The following EFHB variants were observed in gnomAD, a reference collection of about 807,000 sequenced individuals.
EFHB encodes the protein EF-hand domain-containing family member B.
Under a neutral mutation model 87.2 loss-of-function variants are expected in EFHB, and 91 were observed. The observed-to-expected ratio is 1.04, with a 90% CI of 0.88 to 1.24. The LOEUF (loss-of-function observed/expected upper bound fraction) is 1.24. Ranked by LOEUF, EFHB falls within the 50% of genes most tolerant of loss-of-function variation. The pLI is 0.00. For missense variants in EFHB, 1,084 were observed against 998.8 expected, an observed-to-expected ratio of 1.09 and a Z score of -1.15; for synonymous variants, 325 against 333.6, an observed-to-expected ratio of 0.97 and a Z score of 0.28.
intron 6 of EFHB, among the ~76,000 whole-genome samples, chr3:19,900,076 A>C (rs1694619932): frequency 6.6e-6 from 1 of 152,090 alleles, no homozygotes; most frequent in African/African-American, 2.4e-5. Context: ...CTGTCTCAAA[A>C]AAATAAAATA....
rs544750714 is a variant in EFHB at position 19,890,112 on chromosome 3, G to A, written c.1726-1461C>T. On this transcript the variant is annotated intron_variant, in intron 9 of 12. Coordinates refer to ENST00000295824, the MANE Select transcript of EFHB (RefSeq NM_144715.4). ...CAAAACTGAAACAGATGCTGTCAAC[G>A]ATAAATTACCGCCTAATATGCAGGG... Among the ~76,000 whole-genome samples, 57 of 152,274 alleles carry A rather than the reference G, an allele frequency of 3.7e-4. 1 individual carries two copies. Among genetic ancestry groups the A allele is most frequent in the African/African-American group, 1.7e-4 (7 of 41,546 alleles).
At chr3:19,918,170 A>C in intron 4 of EFHB, 62 bp downstream of exon 4, 1 of 1,398,038 alleles carries the variant, frequency 7.2e-7, no homozygotes, top group Non-Finnish European at 9.6e-7. Flanking sequence ...ATATTTAATC[A>C]AATTTTCCAA....
chr3:19,926,156 A>G (rs1162800247), intron 1 of EFHB, among the ~76,000 whole-genome samples: 3 of 151,356 alleles, frequency 2.0e-5, no homozygotes, highest in African/African-American at 7.4e-5. Context: ...AATAGCTGTC[A>G]GGTTCTACTA....
At chr3:19,908,202 T>A (rs1694903468) in intron 5 of EFHB, among the ~76,000 whole-genome samples, 1 of 152,064 alleles carries the variant, frequency 6.6e-6, no homozygotes, top group Non-Finnish European at 1.5e-5. Context: ...TGAACATACA[T>A]ACTGATATAT....
Position 19,933,846 on chromosome 3 carries a change from G to T in EFHB, c.173C>A (p.Ala58Glu). Residue 58 changes from alanine (A) to glutamate (E), a missense_variant, in exon 1 of 13, where the codon GCA becomes GAA. Ala to Glu is a moderately radical substitution (Grantham distance 107). Coordinates refer to ENST00000295824, the MANE Select transcript of EFHB (RefSeq NM_144715.4). ...VVSNKCEGRMAPPETKFPLSK... is the reference protein window; with the variant it reads ...VVSNKCEGRMEPPETKFPLSK... ...CAATGGAAATTTTGTTTCTGGTGGT[G>T]CCATCCTTCCCTCACACTTATTACT... 6.2e-7 allele frequency: 1 copy of T among 1,613,892 alleles called. No individual in the cohort carries two copies. Among genetic ancestry groups the T allele is most frequent in the Non-Finnish European group, 8.5e-7 (1 of 1,179,866 alleles).
At position 19,915,423 on chromosome 3, in the gene EFHB, G is replaced by A. The variant is rs73188472; in HGVS notation, c.1178-10C>T. ...TCTTTAGCAGAGTATTCTGAAGGAA[G>A]AATTAATAAAATCAGTTCCAAGTCA... On this transcript the variant is annotated splice_polypyrimidine_tract_variant and intron_variant, in intron 4 of 12. Coordinates refer to ENST00000295824, the MANE Select transcript of EFHB (RefSeq NM_144715.4). 4.5e-3 allele frequency: 7,096 copies of A among 1,568,942 alleles called. 186 individuals carry two copies. The African/African-American group carries it at 0.071, about 16-fold the overall frequency.
In EFHB at chr3:19,925,614, T is replaced by A. The variant is rs62279145; in HGVS notation, c.790-5047A>T. On this transcript the variant is annotated intron_variant, in intron 1 of 12. Transcript: ENST00000295824. ...CTTGCTCAGCTGCCTCTTTGCTCGG[T>A]CCCTAACAACACCGGAGACACCTTG... Among the ~76,000 whole-genome samples, 384 of 152,218 alleles carry A rather than the reference T, an allele frequency of 2.5e-3. 2 individuals are homozygous for A. The highest frequency in any genetic ancestry group is 4.4e-3 in the Non-Finnish European group (299 of 68,022).
At position 19,879,592 on chromosome 3, in the gene EFHB, T is replaced by A; in HGVS notation, c.*39A>T. The A allele has an allele frequency of 6.6e-7, 1 of 1,516,058 alleles. No individual in the cohort carries two copies. The highest frequency in any genetic ancestry group is 8.8e-7 in the Non-Finnish European group (1 of 1,133,488). 93.9% of individuals were successfully genotyped at this position (1,516,058 alleles called of 1,614,324 possible). On this transcript the variant is annotated 3_prime_UTR_variant, in exon 13 of 13. Coordinates refer to ENST00000295824, the MANE Select transcript of EFHB (RefSeq NM_144715.4). Reference sequence around the variant, plus strand: ...TCAACATTTTAGATAAACACAGAGTTAATAATTCTTTTGCTTGAATGAATG... The same window carrying A: ...TCAACATTTTAGATAAACACAGAGTAAATAATTCTTTTGCTTGAATGAATG...
intron 1 of EFHB, among the ~76,000 whole-genome samples, chr3:19,944,123 C>T (rs1411348223): frequency 6.6e-6 from 1 of 152,162 alleles, no homozygotes; most frequent in African/African-American, 2.4e-5. Flanking sequence ...GTTAGAGTTA[C>T]CGTTGGTTTG....
At chr3:19,926,432 C>T (rs944443503) in intron 1 of EFHB, among the ~76,000 whole-genome samples, 2 of 152,118 alleles carry the variant, frequency 1.3e-5, no homozygotes, top group Admixed American at 6.5e-5. Context: ...GGCGCAATCT[C>T]GGCTCACTGC....
chr3:19,915,477 A>G, intron 4 of EFHB, 64 bp from the exon 5 acceptor site: 1 of 1,047,470 alleles, frequency 9.5e-7, no homozygotes, highest in Non-Finnish European at 1.4e-6. Flanking sequence ...ATACGTTTAT[A>G]TTGACTAGAA....
intron 5 of EFHB, among the ~76,000 whole-genome samples, chr3:19,909,604 C>A (rs1040755186): frequency 6.6e-6 from 1 of 152,044 alleles, no homozygotes; most frequent in Admixed American, 6.6e-5. Flanking sequence ...GCTGGGGCAG[C>A]CAAGGGAATG....
At chr3:19,936,249 C>A (rs1696017166), upstream of EFHB, 3 of 750,730 alleles carry the variant, frequency 4.0e-6, no homozygotes, top group African/African-American at 5.2e-5. Context: ...ATCTGAGAGG[C>A]TGAAGTGGGA....
At chr3:19,918,476 C>T in intron 3 of EFHB, 64 bp from the exon 4 acceptor site, 2 of 1,418,398 alleles carry the variant, frequency 1.4e-6, no homozygotes, top group South Asian at 3.0e-5. Context: ...AAATAGAAAC[C>T]CTAATCAATA....
intron 5 of EFHB, among the ~76,000 whole-genome samples, chr3:19,915,073 C>G (rs1695180145): frequency 1.3e-5 from 2 of 151,636 alleles, no homozygotes; most frequent in African/African-American, 2.4e-5. Flanking sequence ...ACATGGGCAA[C>G]AGAGACCCCT....
chr3:19,933,714 G>C lies in EFHB; in HGVS notation c.305C>G (p.Pro102Arg), dbSNP rs1575051953. 2 of 1,613,960 alleles carry C rather than the reference G, an allele frequency of 1.2e-6. No homozygotes were observed. The highest frequency in any genetic ancestry group is 1.7e-5 in the Admixed American group (1 of 60,020). The change falls in exon 1 of 13, where the codon CCT (proline) becomes CGT (arginine). Residue 102 changes from proline (P) to arginine (R), a missense_variant. Transcript: ENST00000295824. ...CCCCATTCTTCCTGGCAACAGAGAA[G>C]GTTTTGTTCCCTGTGAAGCTGAGAC... is the stretch of plus-strand genomic sequence containing the variant. The part of the protein sequence containing the change: ...DSVSASQGTK[P>R]SLLPGRMGLE...
intron 6 of EFHB, among the ~76,000 whole-genome samples, chr3:19,901,173 T>C (rs923410010): frequency 4.6e-5 from 7 of 152,166 alleles, no homozygotes; most frequent in African/African-American, 1.7e-4. Flanking sequence ...TGCAAAAATC[T>C]ACATAGGGAG....
chr3:19,938,452 A>C (rs1048164093), upstream of EFHB, among the ~76,000 whole-genome samples: 3 of 152,250 alleles, frequency 2.0e-5, no homozygotes, highest in African/African-American at 7.2e-5. Flanking sequence ...AAGTGTTGAT[A>C]CATGGCTGGA....
In EFHB at chr3:19,888,630, T is replaced by TA. The variant is rs1479339677; in HGVS notation, c.1746dup (p.Lys583Ter). On this transcript the variant is annotated frameshift_variant, in exon 10 of 13. Coordinates refer to ENST00000295824, the MANE Select transcript of EFHB (RefSeq NM_144715.4). LOFTEE classifies it high-confidence loss of function. ...TCACAAGCTTCCTGCAGCTCGTCTT[T>TA]ATCTATCATCCCATCTCCCTTCTGT... 6.2e-7 allele frequency: 1 copy of TA among 1,606,394 alleles called. No individual in the cohort carries two copies. Among genetic ancestry groups the TA allele is most frequent in the Non-Finnish European group, 8.5e-7 (1 of 1,176,008 alleles).
Sources: gnomAD v4.1 joint callset for allele counts (sites outside exome capture counted in the v4.1 genomes callset) on GRCh38, gnomAD v4.1.1 for gene constraint, MANE v1.5 for transcripts, NCBI Gene and HGNC (gene_info 2026-07-23, HGNC 2026-07-21) for gene names.